COL4A5: variants seen among roughly 807,000 people sequenced by gnomAD.
COL4A5 encodes collagen alpha-5(IV) chain.
COL4A5 carries 26 observed loss-of-function variants against 130.2 expected under a neutral mutation model. That is an observed-to-expected ratio of 0.20 (90% CI 0.15 to 0.28). The LOEUF (loss-of-function observed/expected upper bound fraction) is 0.28, where lower values mean the gene tolerates loss of function less well. Ranked by LOEUF, COL4A5 falls within the 10% of genes least tolerant of loss-of-function variation. COL4A5 has a pLI of 1.00. For missense variants in COL4A5, 1,131 were observed against 1,344.3 expected (o/e 0.84, Z 2.48); for synonymous variants, 496 against 439.6 (o/e 1.13, Z -1.60).
chrX:108,441,152 A>T (rs1386014123), intron 1 of COL4A5, among the ~76,000 whole-genome samples: 2 of 112,314 alleles, frequency 1.8e-5, no homozygotes, highest in Non-Finnish European at 3.8e-5. Flanking sequence ...GATGTTAAAA[A>T]AATGAATGGC....
intron 36 of COL4A5, among the ~76,000 whole-genome samples, chrX:108,635,341 A>G (rs1229404180): frequency 8.9e-6 from 1 of 112,001 alleles, no homozygotes; most frequent in Non-Finnish European, 1.9e-5. Flanking sequence ...AAAGCATTCT[A>G]TACATAGTAT....
At chrX:108,597,237 GCCCTT>G in intron 23 of COL4A5, 135 bp from the exon 24 acceptor site, 1 of 760,242 alleles carries the variant, frequency 1.3e-6, no homozygotes, top group East Asian at 3.4e-5. Context: ...ACTTGATTCA[GCCCTT>G]TGTACATTAA....
rs771691339 is a variant in COL4A5, at chrX:108,681,928, T to C, written c.4216+40T>C. On this transcript the variant is annotated intron_variant, in intron 47 of 52. Coordinates refer to ENST00000328300, the MANE Select transcript of COL4A5 (RefSeq NM_033380.3). ...CATCTTTATTATCATTATTATACTT[T>C]TAATTTCTGGGATACATGTGCAGAA... The C allele has an allele frequency of 7.0e-6, 8 of 1,148,414 alleles. No individual in the cohort carries two copies. In the Admixed American group the frequency reaches 1.1e-4, roughly 16 times the overall value. 94.6% of individuals were successfully genotyped at this position (1,148,414 alleles called of 1,213,427 possible).
intron 1 of COL4A5, among the ~76,000 whole-genome samples, chrX:108,509,231 G>T (rs908673638): frequency 5.4e-5 from 6 of 111,800 alleles, no homozygotes; most frequent in African/African-American, 1.9e-4. Context: ...TAAATGATGA[G>T]AACACATGGA....
intron 36 of COL4A5, chrX:108,627,369 T>A: frequency 1.4e-6 from 1 of 731,328 alleles, no homozygotes; most frequent in Non-Finnish European, 1.6e-6. Flanking sequence ...TTTGAATTCC[T>A]TGTTCTATAC....
intron 1 of COL4A5, among the ~76,000 whole-genome samples, chrX:108,512,399 T>G: frequency 8.9e-6 from 1 of 112,317 alleles, no homozygotes; most frequent in Middle Eastern, 4.6e-3. Flanking sequence ...AATGCATAAT[T>G]TAATAGGTAC....
chrX:108,492,897 T>A (rs377682242), intron 1 of COL4A5, among the ~76,000 whole-genome samples: 2 of 110,976 alleles, frequency 1.8e-5, no homozygotes, highest in South Asian at 3.8e-4. Flanking sequence ...TTAGATAAAA[T>A]GGTATGTATG....
rs2066435645 is a variant in COL4A5, at chrX:108,591,602, T to C, written c.1381T>C (p.Ser461Pro). ...CEPGPPGPPG[S>P]PGDKGLQGEQ... ...ACCAGGCCCTCCAGGCCCCCCAGGA[T>C]CTCCAGGTGATAAAGGACTCCAAGG... The change falls in exon 21 of 53, where the codon TCT becomes CCT. Residue 461 changes from serine to proline, a missense_variant. Ser to Pro is a moderately conservative substitution (Grantham distance 74). Coordinates refer to ENST00000328300, the MANE Select transcript of COL4A5 (RefSeq NM_033380.3). The C allele has an allele frequency of 1.7e-6, 2 of 1,209,272 alleles. No individual in the cohort carries two copies. The highest frequency in any genetic ancestry group is 2.2e-6 in the Non-Finnish European group (2 of 893,391).
At chrX:108,533,481 T>C (rs2065413434) in intron 1 of COL4A5, among the ~76,000 whole-genome samples, 1 of 111,413 alleles carries the variant, frequency 9.0e-6, no homozygotes, top group Non-Finnish European at 1.9e-5. Context: ...TCGTGAACTG[T>C]GCATCCAACA....
rs1203616884 is a variant in COL4A5 at position 108,473,633 on chromosome X, AT to A, written c.81+33440del. Among the ~76,000 whole-genome samples the A allele has an allele frequency of 1.0e-3, 35 of 34,561 alleles. 1 individual carries two copies. Among genetic ancestry groups the A allele is most frequent in the South Asian group, 2.6e-3 (2 of 767 alleles). The allele number at this position is 34,561 out of a possible 115,157, so 30.0% of individuals were successfully genotyped here. ...TATATGTATATATATATATATATATATTTTTTTTTTTTTGAGATGAAGTCTT... is the reference window on the plus strand; with the variant it reads ...TATATGTATATATATATATATATATATTTTTTTTTTTTGAGATGAAGTCTT... On this transcript the variant is annotated intron_variant, in intron 1 of 52. Coordinates refer to ENST00000328300, the MANE Select transcript of COL4A5 (RefSeq NM_033380.3).
intron 1 of COL4A5, among the ~76,000 whole-genome samples, chrX:108,449,797 C>A (rs780859631): frequency 8.1e-5 from 9 of 111,723 alleles, no homozygotes; most frequent in Non-Finnish European, 1.7e-4. Flanking sequence ...TAATCTCATT[C>A]ATGAGGGCTT....
chrX:108,544,262 T>C (rs1452086055), intron 2 of COL4A5, among the ~76,000 whole-genome samples: 1 of 112,079 alleles, frequency 8.9e-6, no homozygotes, highest in Admixed American at 9.4e-5. Context: ...AGATAGCTCT[T>C]ATTATTTTGA....
At chrX:108,477,542 G>T (rs376815109) in intron 1 of COL4A5, among the ~76,000 whole-genome samples, 1 of 111,230 alleles carries the variant, frequency 9.0e-6, no homozygotes, top group Non-Finnish European at 1.9e-5. Context: ...GGCCGGGCGC[G>T]GTGGCTCATG....
intron 1 of COL4A5, among the ~76,000 whole-genome samples, chrX:108,485,653 A>G (rs955491336): frequency 3.6e-5 from 4 of 109,920 alleles, no homozygotes; most frequent in African/African-American, 1.3e-4. Context: ...CTGGAGCCCT[A>G]TCCTACTGTG....
At chrX:108,688,044 C>T (rs1479089896) in intron 49 of COL4A5, among the ~76,000 whole-genome samples, 1 of 111,240 alleles carries the variant, frequency 9.0e-6, no homozygotes, top group Non-Finnish European at 1.9e-5. Context: ...TTTATAATTC[C>T]TGGGAGATAC....
At chrX:108,506,387 T>TCTAC (rs1569478925) in intron 1 of COL4A5, among the ~76,000 whole-genome samples, 3 of 89,896 alleles carry the variant, frequency 3.3e-5, no homozygotes, top group African/African-American at 8.0e-5. Context: ...TATCTATCTA[T>TCTAC]CTACCTACCT....
At chrX:108,551,424 CAG>C (rs2065750749) in intron 2 of COL4A5, among the ~76,000 whole-genome samples, 1 of 111,851 alleles carries the variant, frequency 8.9e-6, no homozygotes, top group Non-Finnish European at 1.9e-5. Flanking sequence ...CACTAATCAT[CAG>C]AGAAATGCAA....
At chrX:108,677,156 A>G (rs1247555626) in intron 43 of COL4A5, 1 of 117,125 alleles carries the variant, frequency 8.5e-6, no homozygotes, top group African/African-American at 3.2e-5. Flanking sequence ...ATTTGAGAAA[A>G]TACCCTACAG....
At chrX:108,562,350 C>T (rs752706970) in intron 3 of COL4A5, among the ~76,000 whole-genome samples, 12 of 111,738 alleles carry the variant, frequency 1.1e-4, no homozygotes, top group Non-Finnish European at 2.1e-4. Context: ...TCTGAGTTTA[C>T]TTGGGATTAG....
Sources: allele counts gnomAD v4.1 joint callset (sites outside exome capture counted in the v4.1 genomes callset), GRCh38; gene constraint gnomAD v4.1.1; transcripts MANE v1.5; gene names NCBI Gene and HGNC (gene_info 2026-07-23, HGNC 2026-07-21).